Variants in NOX4 observed in about 807,000 individuals in gnomAD.
NOX4 encodes the protein kidney oxidase-1.
Under a neutral mutation model 87.6 loss-of-function variants are expected in NOX4, and 69 were observed. The observed-to-expected ratio is 0.79, with a 90% CI of 0.65 to 0.96. NOX4 has a LOEUF of 0.96. Ranked by LOEUF, NOX4 falls within the 40% of genes least tolerant of loss-of-function variation. NOX4 has a pLI of 0.00. For synonymous variants in NOX4, 275 were observed against 238.2 expected (o/e 1.15, Z -1.42); for missense variants, 680 against 681.5 (o/e 1.00, Z 0.02).
intron 2 of NOX4, among the ~76,000 whole-genome samples, chr11:89,471,377 A>G (rs529305143): frequency 5.9e-5 from 9 of 152,200 alleles, no homozygotes; most frequent in African/African-American, 2.2e-4. Context: ...CTGAGCAACG[A>G]AAGTCAACAA....
intron 13 of NOX4, 103 bp from the exon 14 acceptor site, chr11:89,342,296 ATGGG>A (rs1160633194): frequency 9.8e-7 from 1 of 1,022,304 alleles, no homozygotes; most frequent in Non-Finnish European, 1.5e-6. Context: ...AGATTTTGTG[ATGGG>A]TCAGGCCTTA....
upstream of NOX4, among the ~76,000 whole-genome samples, chr11:89,500,477 A>G (rs1332330562): frequency 6.6e-6 from 1 of 152,160 alleles, no homozygotes; most frequent in Non-Finnish European, 1.5e-5. Context: ...TCATTTAGCA[A>G]CAAAACCCCC....
intron 12 of NOX4, among the ~76,000 whole-genome samples, chr11:89,356,409 G>T: frequency 7.2e-6 from 1 of 139,236 alleles, no homozygotes; most frequent in East Asian, 2.1e-4. Context: ...AAATAGGAGG[G>T]GGAGGGGAAG....
intron 7 of NOX4, among the ~76,000 whole-genome samples, chr11:89,426,027 G>A (rs1157471876): frequency 6.6e-6 from 1 of 152,102 alleles, no homozygotes; most frequent in African/African-American, 2.4e-5. Context: ...AAAACTGAAT[G>A]TGTCCATTAG....
the NOX4 span, among the ~76,000 whole-genome samples, chr11:89,564,729 T>C: frequency 3.4e-5 from 5 of 146,338 alleles, no homozygotes; most frequent in East Asian, 2.1e-4. Flanking sequence ...GAGTTTTTTG[T>C]TGTTGTTGTT....
At chr11:89,423,023 C>G (rs1943170156) in intron 7 of NOX4, among the ~76,000 whole-genome samples, 1 of 152,062 alleles carries the variant, frequency 6.6e-6, no homozygotes. Context: ...TGGTCTCGAA[C>G]TCCTGACCTC....
chr11:89,401,271 T>C (rs1185071031), intron 9 of NOX4, among the ~76,000 whole-genome samples: 1 of 152,136 alleles, frequency 6.6e-6, no homozygotes, highest in East Asian at 1.9e-4. Context: ...GTCTGCAATG[T>C]AGCAGCCTTG....
chr11:89,385,938 G>A (rs1012775003), intron 11 of NOX4, among the ~76,000 whole-genome samples: 12 of 152,130 alleles, frequency 7.9e-5, no homozygotes, highest in South Asian at 2.1e-4. Context: ...ATAATGGACC[G>A]GCCTTTATTA....
intron 2 of NOX4, among the ~76,000 whole-genome samples, chr11:89,464,450 G>C (rs1343665677): frequency 1.3e-5 from 2 of 152,088 alleles, no homozygotes; most frequent in African/African-American, 4.8e-5. Flanking sequence ...TTTTTAAGTG[G>C]CAAGATTATA....
At chr11:89,544,736 G>A in the NOX4 span, among the ~76,000 whole-genome samples, 1 of 151,906 alleles carries the variant, frequency 6.6e-6, no homozygotes, top group Non-Finnish European at 1.5e-5. Context: ...GGCTGAGAGT[G>A]GCTCAGTAAT....
intron 8 of NOX4, among the ~76,000 whole-genome samples, chr11:89,416,664 G>A (rs923559588): frequency 5.6e-4 from 85 of 152,134 alleles, no homozygotes; most frequent in African/African-American, 1.7e-3. Flanking sequence ...TAAACTATCC[G>A]CCTATGACAC....
intron 13 of NOX4, among the ~76,000 whole-genome samples, chr11:89,345,431 A>G (rs869087992): frequency 1.3e-5 from 2 of 152,158 alleles, no homozygotes; most frequent in Non-Finnish European, 2.9e-5. Flanking sequence ...TTCCTGTACC[A>G]GTAGTATTTG....
chr11:89,562,818 T>C, the NOX4 span, among the ~76,000 whole-genome samples: 5 of 152,214 alleles, frequency 3.3e-5, no homozygotes, highest in Non-Finnish European at 7.3e-5. Flanking sequence ...TATGATACCA[T>C]TTGGCTCTGT....
In NOX4 at chr11:89,432,776, A is replaced by G; in HGVS notation, c.548+8T>C. On this transcript the variant is annotated splice_region_variant and intron_variant, in intron 7 of 17. Transcript: ENST00000263317. ...ATACACATCAAAATAATTGATTCTGACACTTACCTTATTGCATATGTAGAG... is the reference window on the plus strand; with the variant it reads ...ATACACATCAAAATAATTGATTCTGGCACTTACCTTATTGCATATGTAGAG... 1 of 1,591,044 alleles carries G rather than the reference A, an allele frequency of 6.3e-7. No individual in the cohort carries two copies. The highest frequency in any genetic ancestry group is 8.6e-7 in the Non-Finnish European group (1 of 1,160,196).
intron 2 of NOX4, among the ~76,000 whole-genome samples, chr11:89,488,525 G>C (rs1946718868): frequency 6.6e-6 from 1 of 152,068 alleles, no homozygotes; most frequent in African/African-American, 2.4e-5. Context: ...AAATTAATGA[G>C]TTGGTTTCCA....
rs757122897 is a variant in NOX4, at chr11:89,400,368, C to A, written c.858G>T (p.Trp286Cys). The change falls in exon 10 of 18, where the codon TGG (tryptophan) becomes TGT (cysteine). Residue 286 changes from tryptophan to cysteine, a missense_variant. Transcript: ENST00000263317. ...FQANFPQTWL[W>C]ISGPLCLYCA... Reference sequence around the variant, plus strand: ...AGTACAGGCACAAAGGTCCAGAAATCCAAAGCCAAGTCTAAGACAAATTTT... The same window carrying A: ...AGTACAGGCACAAAGGTCCAGAAATACAAAGCCAAGTCTAAGACAAATTTT... 9 of 1,575,984 alleles carry A rather than the reference C, an allele frequency of 5.7e-6. No individual in the cohort carries two copies. The East Asian group carries it at 2.0e-4, about 36-fold the overall frequency.
intron 7 of NOX4, among the ~76,000 whole-genome samples, chr11:89,427,307 T>C (rs1277289975): frequency 1.3e-5 from 2 of 151,954 alleles, no homozygotes; most frequent in Non-Finnish European, 2.9e-5. Context: ...ATTCTAAAAA[T>C]CAGAGCGCCT....
intron 5 of NOX4, chr11:89,443,911 A>G (rs1449674256): frequency 6.3e-6 from 3 of 479,860 alleles, no homozygotes; most frequent in Non-Finnish European, 3.8e-6. Context: ...ACATTGCAAT[A>G]TAAAAAGTAG....
At chr11:89,418,946 C>T (rs1285103474) in intron 8 of NOX4, among the ~76,000 whole-genome samples, 1 of 152,016 alleles carries the variant, frequency 6.6e-6, no homozygotes, top group Non-Finnish European at 1.5e-5. Flanking sequence ...AATGTCTCAT[C>T]ACCTCATCTT....
Sources: gnomAD v4.1 joint callset for allele counts (sites outside exome capture counted in the v4.1 genomes callset) on GRCh38, gnomAD v4.1.1 for gene constraint, MANE v1.5 for transcripts, NCBI Gene and HGNC (gene_info 2026-07-23, HGNC 2026-07-21) for gene names.